SMAD2: variants seen among roughly 807,000 people sequenced by gnomAD.
SMAD2 encodes the protein SMAD family member 2.
SMAD2 carries 8 observed loss-of-function variants against 64.4 expected under a neutral mutation model. That is an observed-to-expected ratio of 0.12 (90% CI 0.07 to 0.22). SMAD2 has a LOEUF of 0.22. SMAD2 is among the 10% of genes least tolerant of loss of function. The pLI is 1.00. For missense variants in SMAD2, 289 were observed against 561.2 expected, an observed-to-expected ratio of 0.51 and a Z score of 4.90; for synonymous variants, 203 against 195.8, an observed-to-expected ratio of 1.04 and a Z score of -0.31.
chr18:47,912,857 G>T (rs1037266286), intron 1 of SMAD2, among the ~76,000 whole-genome samples: 3 of 36,134 alleles, frequency 8.3e-5, no homozygotes, highest in African/African-American at 3.9e-4. Flanking sequence ...TGTATAAACA[G>T]CAAAAAAAAA....
chr18:47,858,824 G>A (rs1213627747), intron 6 of SMAD2, among the ~76,000 whole-genome samples: 2 of 152,044 alleles, frequency 1.3e-5, no homozygotes, highest in Admixed American at 6.6e-5. Context: ...AAAATTATTT[G>A]ATTAGTCTAA....
rs767173292 is a variant in SMAD2 at position 47,820,595 on chromosome 18, T to G, written c.*21232A>C. 1 of 152,114 alleles carries G rather than the reference T, an allele frequency of 6.6e-6. No individual in the cohort carries two copies. The highest frequency in any genetic ancestry group is 1.5e-5 in the Non-Finnish European group (1 of 68,020). The allele number at this position is 152,114 out of a possible 1,614,324, so 9.4% of individuals were successfully genotyped here. On this transcript the variant is annotated 3_prime_UTR_variant, in exon 11 of 11. Coordinates refer to ENST00000262160, the MANE Select transcript of SMAD2 (RefSeq NM_005901.6). ...AATTAACAGAATAATTCTGTATGAG[T>G]CTTGCATAGTAACTTTTTATCCTAA...
chr18:47,883,694 A>G (rs376521864), intron 2 of SMAD2, among the ~76,000 whole-genome samples: 100 of 152,308 alleles, frequency 6.6e-4, no homozygotes, highest in African/African-American at 2.2e-3. Context: ...TGATTTAGAT[A>G]TATCACTTTA....
intron 1 of SMAD2, among the ~76,000 whole-genome samples, chr18:47,899,711 G>C (rs2033604976): frequency 6.6e-6 from 1 of 152,118 alleles, no homozygotes; most frequent in African/African-American, 2.4e-5. Context: ...TAGTCCATTA[G>C]ATAGGATTAG....
Position 47,841,235 on chromosome 18 carries a change from T to G in SMAD2, c.*592A>C, listed in dbSNP as rs1913924899. On this transcript the variant is annotated 3_prime_UTR_variant, in exon 11 of 11. Transcript: ENST00000262160. Reference sequence around the variant, plus strand: ...CATTAAGGTCAAGGATTTCAAAAGTTAATCCACTTTTCTTCCCCCAAGAGT... The same window carrying G: ...CATTAAGGTCAAGGATTTCAAAAGTGAATCCACTTTTCTTCCCCCAAGAGT... 1 of 233,268 alleles carries G rather than the reference T, an allele frequency of 4.3e-6. No homozygotes were observed. Among genetic ancestry groups the G allele is most frequent in the Admixed American group, 5.6e-5 (1 of 17,856 alleles). 14.4% of individuals were successfully genotyped at this position (233,268 alleles called of 1,614,324 possible).
chr18:47,851,749 C>T (rs1342050814), intron 6 of SMAD2, among the ~76,000 whole-genome samples: 1 of 151,872 alleles, frequency 6.6e-6, no homozygotes, highest in South Asian at 2.1e-4. Context: ...TGTCTATCTA[C>T]ATATCAATTA....
chr18:47,835,026 TA>T lies in SMAD2; in HGVS notation c.*6800del. ...AATATTCTCAGATATGAACATTTTT[TA>T]TTCTGCCTACAATGCTGTGATCTAG... On this transcript the variant is annotated 3_prime_UTR_variant, in exon 11 of 11. Coordinates refer to ENST00000262160, the MANE Select transcript of SMAD2 (RefSeq NM_005901.6). 3 of 220,882 alleles carry T rather than the reference TA, an allele frequency of 1.4e-5. No homozygotes were observed. The highest frequency in any genetic ancestry group is 2.7e-5 in the Non-Finnish European group (3 of 110,268). The allele number at this position is 220,882 out of a possible 1,614,324, so 13.7% of individuals were successfully genotyped here. A position where few individuals can be genotyped will look rare whatever the true frequency, so the allele number is the denominator to read the frequency against.
rs1913028133 is a variant in SMAD2 at position 47,832,323 on chromosome 18, A to G, written c.*9504T>C. On this transcript the variant is annotated 3_prime_UTR_variant, in exon 11 of 11. Coordinates refer to ENST00000262160, the MANE Select transcript of SMAD2 (RefSeq NM_005901.6). Reference sequence around the variant, plus strand: ...TAGAAGGATCTCGAGTCAGCCCTCAATGTTGTTGTTCAATGTTGGGAAGTC... The same window carrying G: ...TAGAAGGATCTCGAGTCAGCCCTCAGTGTTGTTGTTCAATGTTGGGAAGTC... 1.3e-5 allele frequency: 2 copies of G among 152,168 alleles called. No homozygotes were observed. Among genetic ancestry groups the G allele is most frequent in the East Asian group, 1.9e-4 (1 of 5,190 alleles). 9.4% of individuals were successfully genotyped at this position (152,168 alleles called of 1,614,324 possible).
intron 1 of SMAD2, among the ~76,000 whole-genome samples, chr18:47,898,201 G>C (rs1488979208): frequency 6.6e-6 from 1 of 152,098 alleles, no homozygotes. Context: ...TGAAGAAATT[G>C]TTATCATTCC....
intron 2 of SMAD2, among the ~76,000 whole-genome samples, chr18:47,894,563 C>G (rs1304221662): frequency 6.6e-6 from 1 of 152,200 alleles, no homozygotes; most frequent in Admixed American, 6.5e-5. Context: ...CACCACCGCA[C>G]TACATGTGAT....
intron 2 of SMAD2, among the ~76,000 whole-genome samples, chr18:47,880,305 A>G (rs1279474733): frequency 6.6e-6 from 1 of 152,156 alleles, no homozygotes; most frequent in East Asian, 1.9e-4. Flanking sequence ...ATCCAGAAAT[A>G]TTTTGTTTTC....
At chr18:47,901,657 C>T (rs1395800825) in intron 1 of SMAD2, among the ~76,000 whole-genome samples, 1 of 152,096 alleles carries the variant, frequency 6.6e-6, no homozygotes, top group African/African-American at 2.4e-5. Flanking sequence ...TATACTTTTA[C>T]TACTTCCTCT....
rs1912474322 is a variant in SMAD2, at chr18:47,819,101, C to CA, written c.*22725dup. 1 of 152,182 alleles carries CA rather than the reference C, an allele frequency of 6.6e-6. No individual in the cohort carries two copies. The highest frequency in any genetic ancestry group is 1.5e-5 in the Non-Finnish European group (1 of 68,028). The allele number at this position is 152,182 out of a possible 1,614,324, so 9.4% of individuals were successfully genotyped here. A position where few individuals can be genotyped will look rare whatever the true frequency, so the allele number is the denominator to read the frequency against. On this transcript the variant is annotated 3_prime_UTR_variant, in exon 11 of 11. Coordinates refer to ENST00000262160, the MANE Select transcript of SMAD2 (RefSeq NM_005901.6). ...TTCATCAAATAAATGAGTGCTAATA[C>CA]AAAATATATAGTAATTAACACAAGT... is the stretch of plus-strand genomic sequence containing the variant.
At chr18:47,894,681 T>A (rs969378988) in intron 2 of SMAD2, among the ~76,000 whole-genome samples, 4 of 152,196 alleles carry the variant, frequency 2.6e-5, no homozygotes, top group Non-Finnish European at 4.4e-5. Context: ...GCCCCAAGCA[T>A]ACTTCTTTTA....
At chr18:47,925,054 T>TCC (rs2144553139) in intron 1 of SMAD2, among the ~76,000 whole-genome samples, 1 of 152,124 alleles carries the variant, frequency 6.6e-6, no homozygotes, top group East Asian at 1.9e-4. Flanking sequence ...TGAAACTACA[T>TCC]CCCCCTTCCC....
At chr18:47,869,097 T>A (rs2031772427) in intron 4 of SMAD2, 146 bp downstream of exon 4, 1 of 620,908 alleles carries the variant, frequency 1.6e-6, no homozygotes, top group Non-Finnish European at 2.8e-6. Flanking sequence ...AATAAAAAAA[T>A]TTTAATTACC....
In SMAD2 at chr18:47,821,399, C is replaced by A. The variant is rs1912569468; in HGVS notation, c.*20428G>T. The A allele has an allele frequency of 1.3e-5, 2 of 152,154 alleles. No homozygotes were observed. The highest frequency in any genetic ancestry group is 1.3e-4 in the Admixed American group (2 of 15,280). The allele number at this position is 152,154 out of a possible 1,614,324, so 9.4% of individuals were successfully genotyped here. On this transcript the variant is annotated 3_prime_UTR_variant, in exon 11 of 11. Transcript: ENST00000262160. The stretch of plus-strand genomic sequence containing the variant: ...GATACTGAAATGTTCTGTAGAAGGC[C>A]TAGAAAAGCAATGTTTTCCTCCAGT...
Position 47,815,620 on chromosome 18 carries a change from A to G in SMAD2, c.*26207T>C, listed in dbSNP as rs1277057765. On this transcript the variant is annotated 3_prime_UTR_variant, in exon 11 of 11. Coordinates refer to ENST00000262160, the MANE Select transcript of SMAD2 (RefSeq NM_005901.6). ...AAAAACTGGCCTTGAATAAGACATC[A>G]CTTCCTCCAAGTCTGAGTACAGCAC... The G allele has an allele frequency of 6.6e-6, 1 of 152,222 alleles. No homozygotes were observed. The highest frequency in any genetic ancestry group is 1.5e-5 in the Non-Finnish European group (1 of 68,044). The allele number at this position is 152,222 out of a possible 1,614,324, so 9.4% of individuals were successfully genotyped here.
At chr18:47,880,906 T>C (rs2032548561) in intron 2 of SMAD2, among the ~76,000 whole-genome samples, 1 of 152,120 alleles carries the variant, frequency 6.6e-6, no homozygotes. Context: ...TTGGCAAAGT[T>C]TGTAGGCAGA....
Sources: gnomAD v4.1 joint callset for allele counts (sites outside exome capture counted in the v4.1 genomes callset) on GRCh38, gnomAD v4.1.1 for gene constraint, MANE v1.5 for transcripts, NCBI Gene and HGNC (gene_info 2026-07-23, HGNC 2026-07-21) for gene names.